The following COL4A4 variants were observed in gnomAD, a reference collection of about 807,000 sequenced individuals.
The protein encoded by COL4A4 is collagen type IV alpha 4 chain.
Under a neutral mutation model 192.9 loss-of-function variants are expected in COL4A4, and 105 were observed. The observed-to-expected ratio is 0.54, with a 90% CI of 0.46 to 0.64. The LOEUF (loss-of-function observed/expected upper bound fraction) is 0.64, where lower values mean the gene tolerates loss of function less well. Ranked by LOEUF, COL4A4 falls within the 30% of genes least tolerant of loss-of-function variation. COL4A4 has a pLI of 0.00. For synonymous variants in COL4A4, 762 were observed against 769.9 expected, an observed-to-expected ratio of 0.99 and a Z score of 0.17; for missense variants, 1,967 against 2,169.3, an observed-to-expected ratio of 0.91 and a Z score of 1.85.
downstream of COL4A4, among the ~76,000 whole-genome samples, chr2:227,000,242 T>C (rs1259968655): frequency 6.6e-6 from 1 of 152,232 alleles, no homozygotes; most frequent in Non-Finnish European, 1.5e-5. Context: ...CCTGGAAGCT[T>C]CTACAGATTC....
rs1394057745 is a variant in COL4A4 at position 227,100,933 on chromosome 2, T to C, written c.1029+571A>G. 2.0e-5 allele frequency among the ~76,000 whole-genome samples: 3 copies of C among 151,938 alleles called. No homozygotes were observed. The South Asian group carries it at 6.2e-4, about 32-fold the overall frequency. ...CATTCTCCTGCCTCAGCCTCCCAAG[T>C]AGCTGGGACTACAGGCGCCCACCAC... is the stretch of plus-strand genomic sequence containing the variant. On this transcript the variant is annotated intron_variant, in intron 17 of 47. Coordinates refer to ENST00000396625, the MANE Select transcript of COL4A4 (RefSeq NM_000092.5).
rs1444400733 is a variant in COL4A4, at chr2:227,005,868, C to T, written c.*1457G>A. The stretch of plus-strand genomic sequence containing the variant: ...AGGTGAGTTTCCTAAAAATTTTTTC[C>T]AACAAATCTTTTAAATTTAGGATTA... On this transcript the variant is annotated 3_prime_UTR_variant, in exon 48 of 48. Transcript: ENST00000396625. 6.6e-6 allele frequency: 1 copy of T among 151,888 alleles called. No individual in the cohort carries two copies. Among genetic ancestry groups the T allele is most frequent in the Non-Finnish European group, 1.5e-5 (1 of 67,976 alleles). 9.4% of individuals were successfully genotyped at this position (151,888 alleles called of 1,614,324 possible).
chr2:227,103,023 G>T, intron 14 of COL4A4, 121 bp downstream of exon 14: 1 of 1,090,596 alleles, frequency 9.2e-7, no homozygotes, highest in Non-Finnish European at 1.4e-6. Flanking sequence ...ATAAGATAGT[G>T]AAAAATTCTG....
intron 7 of COL4A4, 96 bp from the exon 8 acceptor site, chr2:227,114,792 T>C (rs2061403419): frequency 3.0e-6 from 3 of 984,004 alleles, no homozygotes; most frequent in Admixed American, 3.6e-5. Flanking sequence ...CAGTTAAAAT[T>C]ACCATTATTG....
At chr2:227,045,875 C>T (rs867781038) in intron 35 of COL4A4, among the ~76,000 whole-genome samples, 4,051 of 75,074 alleles carry the variant, frequency 0.054, 967 homozygotes, top group African/African-American at 0.082. Flanking sequence ...CATATATATA[C>T]ATATATATGT....
the COL4A4 span, among the ~76,000 whole-genome samples, chr2:226,970,119 G>T: frequency 6.6e-6 from 1 of 151,384 alleles, no homozygotes; most frequent in Non-Finnish European, 1.5e-5. Flanking sequence ...AGAGAAAAAT[G>T]ACAAAGAATA....
the COL4A4 span, among the ~76,000 whole-genome samples, chr2:226,984,453 A>C: frequency 2.6e-5 from 4 of 152,204 alleles, no homozygotes; most frequent in Admixed American, 6.5e-5. Context: ...TACCAATGCC[A>C]TCACGGGGGC....
chr2:226,972,219 G>T, the COL4A4 span, among the ~76,000 whole-genome samples: 42 of 152,232 alleles, frequency 2.8e-4, no homozygotes, highest in African/African-American at 1.0e-3. Context: ...GAGAATGATG[G>T]CTTCCAGCTT....
chr2:226,970,613 A>C, the COL4A4 span, among the ~76,000 whole-genome samples: 1 of 152,224 alleles, frequency 6.6e-6, no homozygotes, highest in Non-Finnish European at 1.5e-5. Context: ...CATCAAACAT[A>C]GCGAGAGGCA....
At chr2:227,041,491 A>G (rs1225231576) in intron 37 of COL4A4, among the ~76,000 whole-genome samples, 1 of 151,522 alleles carries the variant, frequency 6.6e-6, no homozygotes, top group Non-Finnish European at 1.5e-5. Flanking sequence ...AAATACAAAA[A>G]TTAGCCAGGC....
intron 31 of COL4A4, 123 bp from the exon 32 acceptor site, chr2:227,052,535 G>C (rs1974344368): frequency 1.3e-5 from 9 of 701,356 alleles, no homozygotes; most frequent in Middle Eastern, 3.3e-4. Flanking sequence ...TATTTATGTA[G>C]ATCACAAAAT....
chr2:227,065,684 CT>C (rs1679302916), intron 25 of COL4A4, among the ~76,000 whole-genome samples: 1 of 151,892 alleles, frequency 6.6e-6, no homozygotes, highest in Admixed American at 6.6e-5. Context: ...AGAAGGAAAA[CT>C]AACAAACAGA....
chr2:227,153,857 A>G (rs2064134611), intron 1 of COL4A4, among the ~76,000 whole-genome samples: 1 of 152,158 alleles, frequency 6.6e-6, no homozygotes, highest in Non-Finnish European at 1.5e-5. Flanking sequence ...AGGATAAATG[A>G]TCAGCTTACT....
At chr2:227,112,339 C>T (rs1227693744) in intron 8 of COL4A4, among the ~76,000 whole-genome samples, 1 of 151,732 alleles carries the variant, frequency 6.6e-6, no homozygotes, top group Non-Finnish European at 1.5e-5. Flanking sequence ...CGCCATCTCC[C>T]TTCACTGCAA....
chr2:226,986,929 A>G, the COL4A4 span, among the ~76,000 whole-genome samples: 1 of 152,250 alleles, frequency 6.6e-6, no homozygotes, highest in East Asian at 1.9e-4. Context: ...GGCCAACCCA[A>G]ATGCCCATCA....
At chr2:227,087,233 T>C (rs781685463) in intron 22 of COL4A4, among the ~76,000 whole-genome samples, 1 of 152,146 alleles carries the variant, frequency 6.6e-6, no homozygotes, top group Non-Finnish European at 1.5e-5. Context: ...GTAAATCTCA[T>C]CCACTCTCTG....
chr2:227,092,826 G>T (rs2060010998), intron 20 of COL4A4, among the ~76,000 whole-genome samples: 1 of 152,158 alleles, frequency 6.6e-6, no homozygotes, highest in Non-Finnish European at 1.5e-5. Context: ...GCACATGTCG[G>T]GTGAGGGGTT....
At chr2:227,107,107 C>T (rs1411730462) in intron 12 of COL4A4, among the ~76,000 whole-genome samples, 1 of 152,200 alleles carries the variant, frequency 6.6e-6, no homozygotes, top group East Asian at 1.9e-4. Context: ...AGCTCCATGG[C>T]TTCCCAAACT....
rs1391341843 is a variant in COL4A4, at chr2:227,098,724, G to C, written c.1174C>G (p.Leu392Val). 1 of 1,613,994 alleles carries C rather than the reference G, an allele frequency of 6.2e-7. No individual in the cohort carries two copies. The highest frequency in any genetic ancestry group is 8.5e-7 in the Non-Finnish European group (1 of 1,180,006). The change falls in exon 19 of 48, where the codon CTC (leucine) becomes GTC (valine). Residue 392 changes from leucine to valine, a missense_variant. Transcript: ENST00000396625. ...CAGGCTTCCCCTGGTCTGCCCAAGA[G>C]ACCTGGGGGACCAGGTGGTCCAACA... is the stretch of plus-strand genomic sequence containing the variant. ...GDVGPPGPPGLLGRPGEACAG... is the reference protein window; with the variant it reads ...GDVGPPGPPGVLGRPGEACAG...
Sources: allele counts gnomAD v4.1 joint callset (sites outside exome capture counted in the v4.1 genomes callset), GRCh38; gene constraint gnomAD v4.1.1; transcripts MANE v1.5; gene names NCBI Gene and HGNC (gene_info 2026-07-23, HGNC 2026-07-21).